AOPEP: variants seen among roughly 807,000 people sequenced by gnomAD.
AOPEP encodes aminopeptidase O (putative).
In AOPEP, 77 loss-of-function variants were observed where a neutral mutation model predicts 98.1. That is an observed-to-expected ratio of 0.78 (90% CI 0.65 to 0.95). AOPEP has a LOEUF of 0.95. AOPEP is among the 40% of genes least tolerant of loss of function. The probability of loss-of-function intolerance (pLI) is 0.00; values close to 1 mark genes in which losing one functional copy is unlikely to be tolerated. For synonymous variants in AOPEP, 346 were observed against 365.3 expected (o/e 0.95, Z 0.60); for missense variants, 1,024 against 1,024.7 (o/e 1.00, Z 0.01).
intron 13 of AOPEP, among the ~76,000 whole-genome samples, chr9:95,045,470 T>G (rs977927188): frequency 2.6e-5 from 4 of 152,228 alleles, no homozygotes; most frequent in Non-Finnish European, 5.9e-5. Context: ...GGAGCCAGGC[T>G]TTTGGACACG....
downstream of AOPEP, among the ~76,000 whole-genome samples, chr9:95,088,794 TA>T (rs2070824984): frequency 6.6e-6 from 1 of 152,378 alleles, no homozygotes; most frequent in East Asian, 1.9e-4. Flanking sequence ...CAAAGACCAC[TA>T]ATCCCCTGGC....
intron 5 of AOPEP, among the ~76,000 whole-genome samples, chr9:94,835,788 C>T (rs1231452707): frequency 6.6e-6 from 1 of 152,104 alleles, no homozygotes; most frequent in African/African-American, 2.4e-5. Flanking sequence ...TGCAGTAGGG[C>T]CAAGGTATTT....
chr9:95,051,930 C>T (rs932901008), intron 13 of AOPEP, among the ~76,000 whole-genome samples: 4 of 152,134 alleles, frequency 2.6e-5, no homozygotes, highest in Non-Finnish European at 4.4e-5. Flanking sequence ...GTCTTGATCT[C>T]CTGACCTCGT....
At chr9:94,768,708 C>T (rs1840194514) in intron 2 of AOPEP, among the ~76,000 whole-genome samples, 1 of 152,242 alleles carries the variant, frequency 6.6e-6, no homozygotes, top group South Asian at 2.1e-4. Context: ...TTTTCATTGT[C>T]CTCTCATTCC....
the AOPEP span, among the ~76,000 whole-genome samples, chr9:95,115,317 C>T: frequency 6.6e-6 from 1 of 152,192 alleles, no homozygotes; most frequent in Admixed American, 6.5e-5. Context: ...CTGGGAAATG[C>T]CGGGTTGCGG....
At chr9:94,865,429 C>T (rs1011840367) in intron 5 of AOPEP, among the ~76,000 whole-genome samples, 5 of 152,096 alleles carry the variant, frequency 3.3e-5, no homozygotes, top group African/African-American at 4.8e-5. Context: ...TCACTTCAAA[C>T]GAACTGATTT....
chr9:94,736,754 G>A (rs137966294), intron 1 of AOPEP, among the ~76,000 whole-genome samples: 60 of 150,052 alleles, frequency 4.0e-4, no homozygotes, highest in Middle Eastern at 6.8e-3. Flanking sequence ...CCCACAGTGC[G>A]CAAAGCACTT....
At chr9:94,886,437 A>G (rs1588704438) in intron 5 of AOPEP, among the ~76,000 whole-genome samples, 3 of 152,204 alleles carry the variant, frequency 2.0e-5, no homozygotes, top group Non-Finnish European at 4.4e-5. Flanking sequence ...GCATTTACCA[A>G]TGTTCTTGAA....
chr9:95,056,184 T>C (rs1230632471), intron 13 of AOPEP: 2 of 152,096 alleles, frequency 1.3e-5, no homozygotes, highest in Non-Finnish European at 2.9e-5. Context: ...AGAGTGATAA[T>C]GGGGTAATAA....
chr9:94,932,922 A>C, intron 7 of AOPEP: 1 of 985,380 alleles, frequency 1.0e-6, no homozygotes, highest in Non-Finnish European at 1.2e-6. Context: ...AGAGCCTGTA[A>C]TGTGGCTACA....
At chr9:94,805,362 C>T (rs898468544) in intron 5 of AOPEP, among the ~76,000 whole-genome samples, 8 of 152,142 alleles carry the variant, frequency 5.3e-5, no homozygotes, top group African/African-American at 1.9e-4. Flanking sequence ...ACGTTTTCTT[C>T]CCCTGGCAGC....
chr9:94,743,620 C>T (rs1020533486), intron 1 of AOPEP, among the ~76,000 whole-genome samples: 5 of 152,152 alleles, frequency 3.3e-5, no homozygotes, highest in Non-Finnish European at 5.9e-5. Context: ...ATGAGCAACT[C>T]AAAAGGCTTC....
At chr9:95,005,678 G>GACCT (rs1487472215) in intron 13 of AOPEP, 62 bp downstream of exon 13, 4 of 1,341,768 alleles carry the variant, frequency 3.0e-6, no homozygotes, top group African/African-American at 2.9e-5. Context: ...GCCCCGTGAG[G>GACCT]ACCTGGTCAT....
At chr9:94,729,921 G>A (rs996916599) in intron 1 of AOPEP, among the ~76,000 whole-genome samples, 2 of 152,190 alleles carry the variant, frequency 1.3e-5, no homozygotes, top group African/African-American at 4.8e-5. Flanking sequence ...GAAAGAGTAG[G>A]AAGACTGGGA....
intron 5 of AOPEP, among the ~76,000 whole-genome samples, chr9:94,804,851 G>A (rs1226314905): frequency 6.6e-6 from 1 of 152,192 alleles, no homozygotes; most frequent in African/African-American, 2.4e-5. Flanking sequence ...AGAATCAATA[G>A]CATCGTTAGG....
intron 14 of AOPEP, among the ~76,000 whole-genome samples, chr9:95,066,354 C>T (rs2067889426): frequency 6.6e-6 from 1 of 152,070 alleles, no homozygotes. Context: ...TCTAAAATCA[C>T]AAAGAACTTT....
intron 13 of AOPEP, among the ~76,000 whole-genome samples, chr9:95,057,795 G>A (rs1001197027): frequency 2.6e-5 from 4 of 152,180 alleles, no homozygotes; most frequent in African/African-American, 9.7e-5. Context: ...GCCGCAGGTT[G>A]TTTACCAAGT....
intron 11 of AOPEP, among the ~76,000 whole-genome samples, chr9:94,986,096 C>T (rs970528759): frequency 2.2e-4 from 33 of 152,138 alleles, no homozygotes; most frequent in African/African-American, 8.0e-4. Flanking sequence ...GATTTTTTTC[C>T]TCACAGTTCT....
chr9:94,872,986 G>A (rs1164453000), intron 5 of AOPEP, among the ~76,000 whole-genome samples: 8 of 152,064 alleles, frequency 5.3e-5, no homozygotes, highest in Admixed American at 2.0e-4. Context: ...GTCCAGGAGA[G>A]GCAATAAGGA....
Sources: gnomAD v4.1 joint callset for allele counts (sites outside exome capture counted in the v4.1 genomes callset) on GRCh38, gnomAD v4.1.1 for gene constraint, MANE v1.5 for transcripts, NCBI Gene and HGNC (gene_info 2026-07-23, HGNC 2026-07-21) for gene names.